RAD51AP1: variants seen among roughly 807,000 people sequenced by gnomAD.
RAD51AP1 encodes RAD51 associated protein 1.
A neutral mutation model predicts 34.3 loss-of-function variants in RAD51AP1; 14 were observed. The observed-to-expected ratio is 0.41, with a 90% CI of 0.27 to 0.64. The LOEUF (loss-of-function observed/expected upper bound fraction) is 0.64, where lower values mean the gene tolerates loss of function less well. Ranked by LOEUF, RAD51AP1 falls within the 30% of genes least tolerant of loss-of-function variation. The probability of loss-of-function intolerance (pLI) is 0.33; values close to 1 mark genes in which losing one functional copy is unlikely to be tolerated. For synonymous variants in RAD51AP1, 114 were observed against 129.8 expected (o/e 0.88, Z 0.83); for missense variants, 348 against 386.9 (o/e 0.90, Z 0.84).
In RAD51AP1 at chr12:4,548,178, G is replaced by A. The variant is rs1368048536; in HGVS notation, c.406G>A (p.Asp136Asn). 6.3e-7 allele frequency: 1 copy of A among 1,590,424 alleles called. No homozygotes were observed. The highest frequency in any genetic ancestry group is 8.5e-7 in the Non-Finnish European group (1 of 1,174,172). Residue 136 changes from aspartate to asparagine, a missense_variant and splice_region_variant, in exon 5 of 9, where the codon GAT (aspartate) becomes AAT (asparagine). Transcript: ENST00000352618. ...TTGCAGTGTAGCCAGTGATTATTTA[G>A]GTAAGTTTTTTATATTAATAATTTT... ...SNCSVASDYL[D>N]LDKITVEDDV...
chr12:4,559,199 T>A lies in RAD51AP1; in HGVS notation c.*206T>A. The stretch of plus-strand genomic sequence containing the variant: ...GAGAAGTTTGTTTATAAGAATTATC[T>A]TCTCATACCTTTCCTTGTGAAGAGC... On this transcript the variant is annotated 3_prime_UTR_variant, in exon 9 of 9. Coordinates refer to ENST00000352618, the MANE Select transcript of RAD51AP1 (RefSeq NM_006479.5). 1 of 521,616 alleles carries A rather than the reference T, an allele frequency of 1.9e-6. No individual in the cohort carries two copies. The highest frequency in any genetic ancestry group is 3.3e-6 in the Non-Finnish European group (1 of 307,122). 32.3% of individuals were successfully genotyped at this position (521,616 alleles called of 1,614,324 possible).
chr12:4,540,623 C>A (rs977371357), intron 1 of RAD51AP1, among the ~76,000 whole-genome samples: 1 of 151,046 alleles, frequency 6.6e-6, no homozygotes, highest in African/African-American at 2.4e-5. Flanking sequence ...TTATATTCAT[C>A]ATAGCTTAAC....
intron 5 of RAD51AP1, 108 bp from the exon 6 acceptor site, chr12:4,548,578 AT>A: frequency 7.6e-7 from 1 of 1,308,390 alleles, no homozygotes; most frequent in Admixed American, 2.1e-5. Flanking sequence ...CATGGGAGGG[AT>A]GAACCTGGGC....
At chr12:4,547,994 T>C (rs150467403) in intron 4 of RAD51AP1, 98 bp from the exon 5 acceptor site, 2 of 1,238,244 alleles carry the variant, frequency 1.6e-6, no homozygotes, top group Non-Finnish European at 2.2e-6. Flanking sequence ...GGATCATTTA[T>C]TTATATCTAA....
intron 6 of RAD51AP1, among the ~76,000 whole-genome samples, chr12:4,549,924 C>T (rs1666542617): frequency 6.6e-6 from 1 of 152,184 alleles, no homozygotes; most frequent in Non-Finnish European, 1.5e-5. Flanking sequence ...TTCATAGCAG[C>T]ATTATTCATA....
chr12:4,539,086 C>A, intron 1 of RAD51AP1, 130 bp downstream of exon 1: 1 of 974,462 alleles, frequency 1.0e-6, no homozygotes, highest in Non-Finnish European at 1.5e-6. Context: ...TATCAAGAAC[C>A]CAGTCTCCAG....
intron 6 of RAD51AP1, among the ~76,000 whole-genome samples, chr12:4,552,403 G>C (rs1191183613): frequency 6.6e-6 from 1 of 152,196 alleles, no homozygotes; most frequent in Non-Finnish European, 1.5e-5. Context: ...ATAAAGGTTT[G>C]TCCCAAATGA....
Position 4,546,666 on chromosome 12 carries a change from C to T in RAD51AP1, c.319+248C>T, listed in dbSNP as rs141181952. On this transcript the variant is annotated intron_variant, in intron 4 of 8. Transcript: ENST00000352618. ...GGCACGGACTGTGAGCCTCAGTGTT[C>T]GAATTATATGTTGTTGTACAGTGAA... is the stretch of plus-strand genomic sequence containing the variant. Among the ~76,000 whole-genome samples the T allele has an allele frequency of 6.1e-3, 924 of 152,242 alleles. 13 individuals are homozygous for T. The highest frequency in any genetic ancestry group is 4.3e-3 in the Non-Finnish European group (290 of 68,018).
intron 6 of RAD51AP1, among the ~76,000 whole-genome samples, chr12:4,549,907 AC>A (rs1356582005): frequency 1.3e-5 from 2 of 152,182 alleles, no homozygotes; most frequent in African/African-American, 4.8e-5. Flanking sequence ...ACATTTGCAT[AC>A]CCGTGTTCAT....
intron 4 of RAD51AP1, among the ~76,000 whole-genome samples, chr12:4,547,154 A>T (rs946699505): frequency 2.0e-5 from 3 of 152,088 alleles, no homozygotes; most frequent in African/African-American, 4.8e-5. Flanking sequence ...TACAACCTTG[A>T]CCTCCTAGGC....
intron 7 of RAD51AP1, among the ~76,000 whole-genome samples, chr12:4,553,613 G>T (rs981405700): frequency 2.9e-4 from 43 of 148,574 alleles, no homozygotes; most frequent in African/African-American, 9.6e-4. Flanking sequence ...TGATTTGAGA[G>T]CTCTTTTGCC....
At chr12:4,547,456 C>T (rs1448550512) in intron 4 of RAD51AP1, among the ~76,000 whole-genome samples, 1 of 152,190 alleles carries the variant, frequency 6.6e-6, no homozygotes, top group Non-Finnish European at 1.5e-5. Context: ...TCATGAATTA[C>T]ATTTAAAATG....
intron 4 of RAD51AP1, among the ~76,000 whole-genome samples, chr12:4,547,422 C>A (rs1285723581): frequency 6.6e-6 from 1 of 152,096 alleles, no homozygotes; most frequent in Non-Finnish European, 1.5e-5. Context: ...AACCAAGAAT[C>A]AAAGAAACAT....
At chr12:4,545,835 A>T in intron 3 of RAD51AP1, 1 of 1,606,994 alleles carries the variant, frequency 6.2e-7, no homozygotes, top group Non-Finnish European at 8.5e-7. Context: ...TGTACAAAGT[A>T]AGTGCTTGGT....
In RAD51AP1 at chr12:4,553,071, TAAAA is replaced by T. The variant is rs763005988; in HGVS notation, c.647_650del (p.Lys216ArgfsTer4). The T allele has an allele frequency of 6.2e-7, 1 of 1,605,908 alleles. No individual in the cohort carries two copies. On this transcript the variant is annotated frameshift_variant, in exon 7 of 9. Transcript: ENST00000352618. LOFTEE classifies it high-confidence loss of function. The stretch of plus-strand genomic sequence containing the variant: ...TGAGAAAAAGTAAAGTTAAAGAAAT[TAAAA>T]AGAAAGAAGTGAAGGTAAAATCCCC...
chr12:4,555,229 G>A (rs1227739949), intron 7 of RAD51AP1, among the ~76,000 whole-genome samples: 1 of 152,076 alleles, frequency 6.6e-6, no homozygotes, highest in African/African-American at 2.4e-5. Flanking sequence ...CCAGGCTTGT[G>A]TTTATTCTCT....
At chr12:4,555,140 T>C (rs1473121146) in intron 7 of RAD51AP1, among the ~76,000 whole-genome samples, 1 of 152,126 alleles carries the variant, frequency 6.6e-6, no homozygotes, top group Non-Finnish European at 1.5e-5. Flanking sequence ...AAACAAGCAC[T>C]GTCTGAAAGT....
At position 4,556,472 on chromosome 12, in the gene RAD51AP1, G is replaced by GA. The variant is rs776047640; in HGVS notation, c.844dup (p.Ser282LysfsTer5). ...ATTAGAAATACGCAGTCCTTCAGCT[G>GA]AAAGCAAGAAACCTAAATGGGTCCC... On this transcript the variant is annotated frameshift_variant, in exon 8 of 9. Transcript: ENST00000352618. LOFTEE classifies it high-confidence loss of function. 6.2e-7 allele frequency: 1 copy of GA among 1,613,770 alleles called. No homozygotes were observed. The highest frequency in any genetic ancestry group is 8.5e-7 in the Non-Finnish European group (1 of 1,179,700).
chr12:4,559,077 A>G lies in RAD51AP1; in HGVS notation c.*84A>G. Reference sequence around the variant, plus strand: ...TTTGATTTGTGTTTATATTTGAGGCAGGTATTGTAATATAAAGGAATCCAT... The same window carrying G: ...TTTGATTTGTGTTTATATTTGAGGCGGGTATTGTAATATAAAGGAATCCAT... On this transcript the variant is annotated 3_prime_UTR_variant, in exon 9 of 9. Coordinates refer to ENST00000352618, the MANE Select transcript of RAD51AP1 (RefSeq NM_006479.5). The G allele has an allele frequency of 6.7e-7, 1 of 1,497,306 alleles. No individual in the cohort carries two copies. The highest frequency in any genetic ancestry group is 9.1e-7 in the Non-Finnish European group (1 of 1,098,602). 92.8% of individuals were successfully genotyped at this position (1,497,306 alleles called of 1,614,324 possible). A position where few individuals can be genotyped will look rare whatever the true frequency, so the allele number is the denominator to read the frequency against.
Sources: gnomAD v4.1 joint callset for allele counts (sites outside exome capture counted in the v4.1 genomes callset) on GRCh38, gnomAD v4.1.1 for gene constraint, MANE v1.5 for transcripts, NCBI Gene and HGNC (gene_info 2026-07-23, HGNC 2026-07-21) for gene names.